The following CBL variants were observed in gnomAD, a reference collection of about 807,000 sequenced individuals.
CBL encodes the protein Cbl proto-oncogene.
Under a neutral mutation model 96.9 loss-of-function variants are expected in CBL, and 45 were observed. That is an observed-to-expected ratio of 0.46 (90% CI 0.37 to 0.60). The LOEUF (loss-of-function observed/expected upper bound fraction) is 0.60, where lower values mean the gene tolerates loss of function less well. CBL is among the 20% of genes least tolerant of loss of function. The pLI is 0.00. For missense variants in CBL, 1,024 were observed against 1,143.5 expected (o/e 0.90, Z 1.51); for synonymous variants, 420 against 426.8 (o/e 0.98, Z 0.20).
chr11:119,238,801 A>T (rs999821421), intron 2 of CBL, among the ~76,000 whole-genome samples: 1 of 152,294 alleles, frequency 6.6e-6, no homozygotes, highest in East Asian at 1.9e-4. Flanking sequence ...ACTGCACTCC[A>T]GGCTGGGCAA....
At chr11:119,265,305 CTG>C (rs914329722) in intron 2 of CBL, among the ~76,000 whole-genome samples, 81 of 152,174 alleles carry the variant, frequency 5.3e-4, no homozygotes, top group African/African-American at 1.7e-3. Context: ...TTTGATATTT[CTG>C]TGTTAATTCT....
At chr11:119,241,458 G>T (rs1403395870) in intron 2 of CBL, among the ~76,000 whole-genome samples, 1 of 152,136 alleles carries the variant, frequency 6.6e-6, no homozygotes, top group East Asian at 1.9e-4. Context: ...TTTTGTCTAT[G>T]GTAGGCACTG....
Position 119,274,910 on chromosome 11 carries a change from G to C in CBL, c.826G>C (p.Glu276Gln). Reference sequence around the variant, plus strand: ...CTACATGGCTTTTTTGACGTATGACGAAGTGAAAGCTCGGCTCCAGAAATT... The same window carrying C: ...CTACATGGCTTTTTTGACGTATGACCAAGTGAAAGCTCGGCTCCAGAAATT... ...PGYMAFLTYD[E>Q]VKARLQKFIH... Residue 276 changes from glutamate (E) to glutamine (Q), a missense_variant, in exon 5 of 16, where the codon GAA becomes CAA. Around this residue, in one of 4 missense-constraint regions of CBL, gnomAD observed 192 missense variants for 321.8 expected, o/e 0.60. Transcript: ENST00000264033. The C allele has an allele frequency of 6.2e-7, 1 of 1,614,088 alleles. No homozygotes were observed. Among genetic ancestry groups the C allele is most frequent in the South Asian group, 1.1e-5 (1 of 91,080 alleles).
intron 3 of CBL, among the ~76,000 whole-genome samples, chr11:119,272,304 A>G (rs1019407169): frequency 2.6e-5 from 4 of 152,032 alleles, no homozygotes; most frequent in Non-Finnish European, 4.4e-5. Context: ...TGCATTTTTA[A>G]TAGAGACAGG....
At chr11:119,254,542 A>G (rs1949696223) in intron 2 of CBL, among the ~76,000 whole-genome samples, 1 of 152,136 alleles carries the variant, frequency 6.6e-6, no homozygotes, top group African/African-American at 2.4e-5. Context: ...AATGGTAAGT[A>G]TGTATTTTAA....
chr11:119,249,834 T>A (rs1949658365), intron 2 of CBL, among the ~76,000 whole-genome samples: 1 of 151,976 alleles, frequency 6.6e-6, no homozygotes, highest in Admixed American at 6.6e-5. Context: ...CTTATTTTTT[T>A]GTACAGATAC....
chr11:119,236,622 TAC>T (rs1555226923), intron 2 of CBL, among the ~76,000 whole-genome samples: 1 of 144,308 alleles, frequency 6.9e-6, no homozygotes, highest in Non-Finnish European at 1.5e-5. Flanking sequence ...TATATATATA[TAC>T]CCATAGGAGT....
rs1950159273 is a variant in CBL at position 119,307,799 on chromosome 11, T to G, written c.*8018T>G. ...TGAAGAGTCCCAATTTGTATATCAG[T>G]GTTAAGAAGAAAACAAAACAAACAC... On this transcript the variant is annotated 3_prime_UTR_variant, in exon 16 of 16. Transcript: ENST00000264033. 1 of 214,126 alleles carries G rather than the reference T, an allele frequency of 4.7e-6. No individual in the cohort carries two copies. The highest frequency in any genetic ancestry group is 1.9e-4 in the South Asian group (1 of 5,348). The allele number at this position is 214,126 out of a possible 1,614,324, so 13.3% of individuals were successfully genotyped here.
chr11:119,246,633 GT>G (rs1949633952), intron 2 of CBL, among the ~76,000 whole-genome samples: 2 of 152,076 alleles, frequency 1.3e-5, no homozygotes, highest in Non-Finnish European at 2.9e-5. Flanking sequence ...TGTATTTTTA[GT>G]AGAGATGAGG....
At chr11:119,236,609 ATATATAT>A in intron 2 of CBL, among the ~76,000 whole-genome samples, 1 of 148,776 alleles carries the variant, frequency 6.7e-6, no homozygotes, top group Non-Finnish European at 1.5e-5. Context: ...ATATATATAT[ATATATAT>A]ATATATACCC....
intron 1 of CBL, among the ~76,000 whole-genome samples, chr11:119,214,940 A>G (rs1475091748): frequency 6.9e-6 from 1 of 144,462 alleles, no homozygotes; most frequent in Non-Finnish European, 1.5e-5. Context: ...TTAAGGTAAC[A>G]TTTACTAAAA....
intron 2 of CBL, among the ~76,000 whole-genome samples, chr11:119,236,595 G>GTATATATATATATATATATA (rs71048051): frequency 7.3e-6 from 1 of 137,746 alleles, no homozygotes; most frequent in Admixed American, 7.4e-5. Context: ...CTTCTTTTGA[G>GTATATATATATATATATATA]TATATATATA....
rs202158626 is a variant in CBL at position 119,285,545 on chromosome 11, G to A, written c.1920G>A (p.Thr640=). 31 of 1,613,860 alleles carry A rather than the reference G, an allele frequency of 1.9e-5. 1 individual carries two copies. Among genetic ancestry groups the A allele is most frequent in the South Asian group, 3.3e-5 (3 of 91,092 alleles). ...CAGATGTGCCTAGGCTCGGAAGCAC[G>A]TTCAGTCTGGATACCTCCATGGTGA... The part of the protein sequence containing the change: ...PRPDVPRLGS[T]FSLDTSMSMN... Residue 640 remains threonine, a synonymous_variant, in exon 11 of 16, where the codon ACG becomes ACA. Coordinates refer to ENST00000264033, the MANE Select transcript of CBL (RefSeq NM_005188.4).
At chr11:119,256,671 C>G (rs1347218613) in intron 2 of CBL, among the ~76,000 whole-genome samples, 1 of 150,614 alleles carries the variant, frequency 6.6e-6, no homozygotes, top group Non-Finnish European at 1.5e-5. Context: ...GTACATTGTA[C>G]CCAGTATGTA....
In CBL at chr11:119,264,403, CTT is replaced by C. The variant is rs1011344292; in HGVS notation, c.444-7331_444-7330del. On this transcript the variant is annotated intron_variant, in intron 2 of 15. Transcript: ENST00000264033. ...TTTCTTTTCTTTTCTCTTCTCTTCT[CTT>C]CTCTTCTCTTCTCTTCTCTTCTCTT... is the stretch of plus-strand genomic sequence containing the variant. Among the ~76,000 whole-genome samples the C allele has an allele frequency of 4.0e-3, 335 of 84,090 alleles. 1 individual carries two copies. Among genetic ancestry groups the C allele is most frequent in the African/African-American group, 0.012 (318 of 26,178 alleles). The allele number at this position is 84,090 out of a possible 152,430, so 55.2% of individuals were successfully genotyped here.
In CBL at chr11:119,255,004, TCTC is replaced by T. The variant is rs368619668; in HGVS notation, c.444-16728_444-16726del. Among the ~76,000 whole-genome samples, 84 of 152,242 alleles carry T rather than the reference TCTC, an allele frequency of 5.5e-4. 1 individual carries two copies. The East Asian group carries it at 0.013, about 23-fold the overall frequency. ...GTAGAAGTAGGAGCAGGTACACAGT[TCTC>T]CTATTCTCTTGGTGTCCTGTGGAGT... On this transcript the variant is annotated intron_variant, in intron 2 of 15. Coordinates refer to ENST00000264033, the MANE Select transcript of CBL (RefSeq NM_005188.4).
intron 9 of CBL, among the ~76,000 whole-genome samples, chr11:119,281,182 A>G (rs1184857181): frequency 1.3e-5 from 2 of 152,092 alleles, no homozygotes; most frequent in African/African-American, 4.8e-5. Flanking sequence ...TGTCACCCTG[A>G]GGTGTCCCCT....
chr11:119,280,529 T>G (rs781572533), intron 9 of CBL, among the ~76,000 whole-genome samples: 112 of 152,306 alleles, frequency 7.4e-4, no homozygotes, highest in Admixed American at 3.7e-3. Context: ...TGGTAGATGT[T>G]GTTTGTTGTT....
chr11:119,235,084 G>C (rs534257176), intron 2 of CBL, among the ~76,000 whole-genome samples: 16 of 152,170 alleles, frequency 1.1e-4, no homozygotes, highest in African/African-American at 3.9e-4. Context: ...TCATAGAACA[G>C]GTTTATTTTA....
Sources: allele counts gnomAD v4.1 joint callset (sites outside exome capture counted in the v4.1 genomes callset), GRCh38; gene constraint gnomAD v4.1.1; regional missense constraint gnomAD v4.1.1; transcripts MANE v1.5; gene names NCBI Gene and HGNC (gene_info 2026-07-23, HGNC 2026-07-21).